Variants in PLEKHA7 observed in about 807,000 individuals in gnomAD.
PLEKHA7 encodes pleckstrin homology domain containing A7, also known as pleckstrin homology domain-containing family A member 7.
Under a neutral mutation model 170.0 loss-of-function variants are expected in PLEKHA7, and 104 were observed. The ratio of observed to expected loss-of-function variants is 0.61; its 90% CI spans 0.52 to 0.72. PLEKHA7 has a LOEUF of 0.72. PLEKHA7 is among the 30% of genes least tolerant of loss of function. The probability of loss-of-function intolerance (pLI) is 0.00; values close to 1 mark genes in which losing one functional copy is unlikely to be tolerated. For missense variants in PLEKHA7, 1,615 were observed against 1,671.7 expected (o/e 0.97, Z 0.59); for synonymous variants, 648 against 660.8 (o/e 0.98, Z 0.30).
intron 3 of PLEKHA7, among the ~76,000 whole-genome samples, chr11:16,887,997 G>A (rs1856278755): frequency 6.8e-6 from 1 of 146,490 alleles, no homozygotes; most frequent in Non-Finnish European, 1.5e-5. Context: ...GAGCACCTCT[G>A]CCCCGCCGCC....
chr11:16,962,029 A>ACT (rs1183700969), intron 3 of PLEKHA7, among the ~76,000 whole-genome samples: 2 of 152,030 alleles, frequency 1.3e-5, no homozygotes, highest in Admixed American at 6.6e-5. Context: ...AGCTGATCCC[A>ACT]CTCCCACTTC....
chr11:16,847,082 TTTTTTTTC>T (rs1424571714), intron 8 of PLEKHA7, among the ~76,000 whole-genome samples: 89 of 121,096 alleles, frequency 7.3e-4, no homozygotes, highest in African/African-American at 1.8e-3. Flanking sequence ...GCTGAAGTTT[TTTTTTTTC>T]TTTTTTTTTT....
chr11:16,847,389 G>T (rs1852527241), intron 8 of PLEKHA7, among the ~76,000 whole-genome samples: 1 of 152,082 alleles, frequency 6.6e-6, no homozygotes, highest in Non-Finnish European at 1.5e-5. Flanking sequence ...ACCACGCCCG[G>T]CCAACTGTGG....
At chr11:16,832,289 G>A (rs1311556088) in intron 9 of PLEKHA7, among the ~76,000 whole-genome samples, 2 of 151,716 alleles carry the variant, frequency 1.3e-5, no homozygotes, top group African/African-American at 2.4e-5. Flanking sequence ...TCTATTTCTA[G>A]CAACCAAACA....
intron 3 of PLEKHA7, among the ~76,000 whole-genome samples, chr11:16,925,938 G>A (rs868228380): frequency 1.3e-5 from 2 of 152,252 alleles, no homozygotes; most frequent in Non-Finnish European, 2.9e-5. Flanking sequence ...GGGCGGAGGG[G>A]CAGGACCTGC....
chr11:16,872,533 T>A (rs548201567), intron 3 of PLEKHA7, among the ~76,000 whole-genome samples: 23 of 152,202 alleles, frequency 1.5e-4, no homozygotes, highest in African/African-American at 5.1e-4. Context: ...TAAACAAAAA[T>A]TTTTTTGACC....
intron 10 of PLEKHA7, 141 bp downstream of exon 10, chr11:16,825,979 G>C (rs1318147180): frequency 2.1e-5 from 19 of 905,430 alleles, no homozygotes; most frequent in Admixed American, 4.6e-5. Context: ...CTTTCTTGCA[G>C]GGTTGTTACA....
At chr11:16,828,905 G>A (rs1850878684) in intron 9 of PLEKHA7, among the ~76,000 whole-genome samples, 1 of 152,220 alleles carries the variant, frequency 6.6e-6, no homozygotes, top group Admixed American at 6.5e-5. Context: ...AAGGAAAGCA[G>A]ATGGAGAAAC....
Position 16,789,284 on chromosome 11 carries a change from C to A in PLEKHA7, c.3169G>T (p.Ala1057Ser). The part of the protein sequence containing the change: ...SKATFPRPKS[A>S]LERLYSGDHQ... ...TCCCCTGAGTACAGGCGCTCCAAGG[C>A]ACTCTTAGGTCTCTGAGGAAGAGGA... is the stretch of plus-strand genomic sequence containing the variant. The change falls in exon 23 of 27, where the codon GCC (alanine) becomes TCC (serine). Residue 1057 changes from alanine (A) to serine (S), a missense_variant. Ala to Ser is a moderately conservative substitution (Grantham distance 99). Transcript: ENST00000531066. The surrounding 1 kb of genome is among the most constrained non-coding windows in gnomAD (Gnocchi z 4.6). The A allele has an allele frequency of 6.2e-7, 1 of 1,613,364 alleles. No individual in the cohort carries two copies. Among genetic ancestry groups the A allele is most frequent in the South Asian group, 1.1e-5 (1 of 91,082 alleles).
At chr11:16,802,900 G>T in intron 15 of PLEKHA7, 72 bp downstream of exon 15, 1 of 1,262,054 alleles carries the variant, frequency 7.9e-7, no homozygotes, top group Non-Finnish European at 1.2e-6. Context: ...TGAGGGTCCA[G>T]CCTATGTCTC....
intron 13 of PLEKHA7, among the ~76,000 whole-genome samples, chr11:16,811,727 C>T (rs1564943359): frequency 6.6e-6 from 1 of 152,234 alleles, no homozygotes; most frequent in African/African-American, 2.4e-5. Context: ...GTTCTCCTCA[C>T]ATGCTAAAGC....
At chr11:16,823,178 A>T (rs1850377793) in intron 10 of PLEKHA7, among the ~76,000 whole-genome samples, 5 of 151,918 alleles carry the variant, frequency 3.3e-5, no homozygotes, top group Admixed American at 2.6e-4. Flanking sequence ...AAACAAAAAA[A>T]TTTTTTTGGT....
chr11:16,827,058 A>G (rs887834964), intron 9 of PLEKHA7, among the ~76,000 whole-genome samples: 3 of 152,140 alleles, frequency 2.0e-5, no homozygotes, highest in African/African-American at 4.8e-5. Flanking sequence ...CTGTGCTCCT[A>G]TTCTACTCTG....
chr11:16,904,847 A>T (rs1404836889), intron 3 of PLEKHA7, among the ~76,000 whole-genome samples: 3 of 152,230 alleles, frequency 2.0e-5, no homozygotes, highest in African/African-American at 7.2e-5. Context: ...CGCAATGTTA[A>T]CTGAAAAAGT....
chr11:17,014,302 T>C lies in PLEKHA7; in HGVS notation c.86+14A>G. The C allele has an allele frequency of 7.1e-7, 1 of 1,402,090 alleles. No homozygotes were observed. The allele number at this position is 1,402,090 out of a possible 1,614,324, so 86.9% of individuals were successfully genotyped here. ...CCACCCGCGTCCCCGCGTCCCCGGG[T>C]CCTCGCGCCGCACTTGATGAAGAAG... On this transcript the variant is annotated intron_variant, in intron 1 of 26. Transcript: ENST00000531066.
In PLEKHA7 at chr11:16,973,102, C is replaced by T. The variant is rs140735247; in HGVS notation, c.221+40887G>A. On this transcript the variant is annotated intron_variant, in intron 3 of 26. Coordinates refer to ENST00000531066, the MANE Select transcript of PLEKHA7 (RefSeq NM_001329630.2). Reference sequence around the variant, plus strand: ...AGGCTTATTGTGAAGACTGGGTGGGCCCATGTTGGAAAGCACCATATGACC... The same window carrying T: ...AGGCTTATTGTGAAGACTGGGTGGGTCCATGTTGGAAAGCACCATATGACC... Among the ~76,000 whole-genome samples, 33 of 152,284 alleles carry T rather than the reference C, an allele frequency of 2.2e-4. 1 individual carries two copies. The East Asian group carries it at 5.8e-3, about 27-fold the overall frequency.
rs185191783 is a variant in PLEKHA7 at position 16,945,710 on chromosome 11, T to C, written c.221+68279A>G. Among the ~76,000 whole-genome samples the C allele has an allele frequency of 3.9e-5, 6 of 152,190 alleles. No individual in the cohort carries two copies. In the East Asian group the frequency reaches 1.2e-3, roughly 29 times the overall value. On this transcript the variant is annotated intron_variant, in intron 3 of 26. Coordinates refer to ENST00000531066, the MANE Select transcript of PLEKHA7 (RefSeq NM_001329630.2). ...GGAGGTGAGGGGTGGTGAGGGGACA[T>C]GAGGGGAAGGGAGTAGTTAGGAGGT... is the stretch of plus-strand genomic sequence containing the variant.
chr11:16,855,665 G>C (rs993235417), intron 5 of PLEKHA7, 138 bp downstream of exon 5: 2 of 690,516 alleles, frequency 2.9e-6, no homozygotes, highest in African/African-American at 1.8e-5. Flanking sequence ...TCAGTTTCCT[G>C]ATCTGTCATT....
intron 10 of PLEKHA7, among the ~76,000 whole-genome samples, chr11:16,823,873 G>A (rs979089918): frequency 6.6e-6 from 1 of 152,178 alleles, no homozygotes; most frequent in Non-Finnish European, 1.5e-5. Flanking sequence ...ATCAACAGAT[G>A]AACGGATAAA....
Sources: gnomAD v4.1 joint callset for allele counts (sites outside exome capture counted in the v4.1 genomes callset) on GRCh38, gnomAD v4.1.1 for gene constraint, Gnocchi (gnomAD v3.1) non-coding constraint, MANE v1.5 for transcripts, NCBI Gene and HGNC (gene_info 2026-07-23, HGNC 2026-07-21) for gene names.